The following RYR3 variants were observed in gnomAD, a reference collection of about 807,000 sequenced individuals.
The protein encoded by RYR3 is brain ryanodine receptor-calcium release channel.
In RYR3, 207 loss-of-function variants were observed where a neutral mutation model predicts 584.3. The observed-to-expected ratio is 0.35, with a 90% CI of 0.32 to 0.40. RYR3 has a LOEUF of 0.40. RYR3 is among the 10% of genes least tolerant of loss of function. RYR3 has a pLI of 1.00. For missense variants in RYR3, 5,616 were observed against 6,089.2 expected, an observed-to-expected ratio of 0.92 and a Z score of 2.59; for synonymous variants, 2,416 against 2,248.5, an observed-to-expected ratio of 1.07 and a Z score of -2.11.
chr15:33,859,873 C>G (rs1453407532), intron 100 of RYR3, 142 bp downstream of exon 100: 4 of 925,448 alleles, frequency 4.3e-6, no homozygotes, highest in Non-Finnish European at 6.4e-6. Context: ...TTAGCATCTA[C>G]TATACCTGAG....
intron 2 of RYR3, among the ~76,000 whole-genome samples, chr15:33,497,264 G>A (rs576994730): frequency 7.9e-5 from 12 of 152,206 alleles, no homozygotes; most frequent in Admixed American, 6.5e-4. Flanking sequence ...AGGTCCCAGT[G>A]GGCTATCTGC....
At position 33,758,217 on chromosome 15, in the gene RYR3, G is replaced by A. The variant is rs533914761; in HGVS notation, c.8705+621G>A. Among the ~76,000 whole-genome samples the A allele has an allele frequency of 5.9e-5, 9 of 152,262 alleles. 1 individual carries two copies. Among genetic ancestry groups the A allele is most frequent in the South Asian group, 4.2e-4 (2 of 4,818 alleles). On this transcript the variant is annotated intron_variant, in intron 60 of 103. Coordinates refer to ENST00000634891, the MANE Select transcript of RYR3 (RefSeq NM_001036.6). The stretch of plus-strand genomic sequence containing the variant: ...GTTTCAAGCACAAAACTGGGTGGCC[G>A]TTCGGGCAGACACTGAGCTAGCTGC...
chr15:33,508,513 G>T (rs1344305211), intron 3 of RYR3, among the ~76,000 whole-genome samples: 1 of 152,118 alleles, frequency 6.6e-6, no homozygotes, highest in Non-Finnish European at 1.5e-5. Flanking sequence ...AGCCGGGCAT[G>T]GTGGCGGGCG....
intron 38 of RYR3, among the ~76,000 whole-genome samples, chr15:33,678,124 C>T (rs2064311120): frequency 6.6e-6 from 1 of 152,144 alleles, no homozygotes; most frequent in East Asian, 1.9e-4. Context: ...ATTGAATGAT[C>T]ATTCAGGCAC....
In RYR3 at chr15:33,820,663, C is replaced by T. The variant is rs2077056193; in HGVS notation, c.10759-93C>T. ...GAGGTCCTGAGGTGCCTGTGAATTA[C>T]GTCCTGTCCCCTGCCCTTGTAGAGT... On this transcript the variant is annotated intron_variant, in intron 77 of 103. Transcript: ENST00000634891. 9 of 1,124,908 alleles carry T rather than the reference C, an allele frequency of 8.0e-6. No individual in the cohort carries two copies. In the East Asian group the frequency reaches 1.0e-4, roughly 13 times the overall value. 69.7% of individuals were successfully genotyped at this position (1,124,908 alleles called of 1,614,324 possible).
chr15:33,649,167 G>C lies in RYR3; in HGVS notation c.4074G>C (p.Lys1358Asn), dbSNP rs760566933. ...CAGACTATCACTTGTACAGTGAAAA[G>C]TTTGACCTGAATAAAAACTGCACAG... ...VTPDYHLYSE[K>N]FDLNKNCTVT... Residue 1358 changes from lysine (K) to asparagine (N), a missense_variant, in exon 31 of 104, where the codon AAG becomes AAC. This residue lies in a region of RYR3 where 753 missense variants were observed against 741.0 expected (regional missense o/e 1.02). Transcript: ENST00000634891. 1.4e-5 allele frequency: 22 copies of C among 1,613,722 alleles called. 1 individual carries two copies. The highest frequency in any genetic ancestry group is 3.3e-4 in the Middle Eastern group (2 of 6,010).
At chr15:33,389,728 AG>A (rs2041869183) in intron 1 of RYR3, among the ~76,000 whole-genome samples, 1 of 152,226 alleles carries the variant, frequency 6.6e-6, no homozygotes, top group African/African-American at 2.4e-5. Context: ...AGAGTCTGAA[AG>A]GTAACATGCA....
chr15:33,345,253 C>A (rs1972308759), intron 1 of RYR3, among the ~76,000 whole-genome samples: 1 of 152,226 alleles, frequency 6.6e-6, no homozygotes, highest in Non-Finnish European at 1.5e-5. Context: ...ATTGAGTAGC[C>A]ACTATGTGCC....
chr15:33,686,279 T>A (rs144322605), intron 38 of RYR3, among the ~76,000 whole-genome samples: 25 of 152,130 alleles, frequency 1.6e-4, no homozygotes, highest in African/African-American at 6.0e-4. Flanking sequence ...CAAACTACCA[T>A]CAGAGAATAC....
chr15:33,563,246 G>A (rs1159038397), intron 11 of RYR3, among the ~76,000 whole-genome samples: 1 of 152,312 alleles, frequency 6.6e-6, no homozygotes, highest in South Asian at 2.1e-4. Flanking sequence ...TGAGGAAGAG[G>A]TGATGTATTT....
chr15:33,437,117 A>AGTGTGTGT (rs71415518), intron 1 of RYR3, among the ~76,000 whole-genome samples: 65 of 149,570 alleles, frequency 4.3e-4, no homozygotes, highest in East Asian at 1.6e-3. Context: ...AGAGAGATAG[A>AGTGTGTGT]GTGTGTGTGT....
At chr15:33,614,577 C>G (rs1348266934) in intron 19 of RYR3, among the ~76,000 whole-genome samples, 1 of 151,916 alleles carries the variant, frequency 6.6e-6, no homozygotes, top group Non-Finnish European at 1.5e-5. Context: ...TGTGCTTTTT[C>G]CAACACAGTA....
Position 33,843,579 on chromosome 15 carries a change from T to A in RYR3, c.13296+5T>A, listed in dbSNP as rs757712334. ...TTCATCCTGCTTTTTTATAAGGTGA[T>A]ACTTCATTCAGGGGTTATTTGCTAA... On this transcript the variant is annotated splice_donor_5th_base_variant and intron_variant, in intron 92 of 103. Transcript: ENST00000634891. The A allele has an allele frequency of 1.0e-5, 16 of 1,563,278 alleles. No individual in the cohort carries two copies. The highest frequency in any genetic ancestry group is 1.4e-5 in the Non-Finnish European group (16 of 1,146,714).
chr15:33,523,109 A>G (rs1171113384), intron 3 of RYR3, among the ~76,000 whole-genome samples: 1 of 152,132 alleles, frequency 6.6e-6, no homozygotes, highest in Non-Finnish European at 1.5e-5. Flanking sequence ...AAATGCACCA[A>G]TCAGCACTCT....
chr15:33,857,606 T>A (rs2079828973), intron 98 of RYR3, among the ~76,000 whole-genome samples, 174 bp from the exon 99 acceptor site: 1 of 152,080 alleles, frequency 6.6e-6, no homozygotes, highest in South Asian at 2.1e-4. Context: ...TGTGGTGCCA[T>A]CTTTCCTCCT....
intron 1 of RYR3, among the ~76,000 whole-genome samples, chr15:33,344,605 A>G (rs566016023): frequency 2.0e-5 from 3 of 152,266 alleles, no homozygotes; most frequent in African/African-American, 4.8e-5. Flanking sequence ...TAAGACTACC[A>G]TGTTCAAAAC....
In RYR3 at chr15:33,634,581, C is replaced by T; in HGVS notation, c.3028-5C>T. ...TTGGCACCTTTTTTCTCTGGCGTCA[C>T]ATAGGATTTGAAGAACAAAAGAAAT... On this transcript the variant is annotated splice_region_variant and splice_polypyrimidine_tract_variant and intron_variant, in intron 24 of 103. Coordinates refer to ENST00000634891, the MANE Select transcript of RYR3 (RefSeq NM_001036.6). 1 of 1,613,804 alleles carries T rather than the reference C, an allele frequency of 6.2e-7. No homozygotes were observed. Among genetic ancestry groups the T allele is most frequent in the Non-Finnish European group, 8.5e-7 (1 of 1,179,778 alleles).
chr15:33,634,152 A>G (rs12911507), intron 24 of RYR3, among the ~76,000 whole-genome samples: 45,340 of 151,968 alleles, frequency 0.3, 7,727 homozygotes, highest in Middle Eastern at 0.4. Flanking sequence ...CCCGGGTTCA[A>G]GTGATTCTCC....
At chr15:33,824,590 T>C (rs2077277974) in intron 81 of RYR3, among the ~76,000 whole-genome samples, 1 of 152,174 alleles carries the variant, frequency 6.6e-6, no homozygotes, top group African/African-American at 2.4e-5. Context: ...AACAAACAAA[T>C]GGCAATAGAG....
Sources: gnomAD v4.1 joint callset for allele counts (sites outside exome capture counted in the v4.1 genomes callset) on GRCh38, gnomAD v4.1.1 for gene constraint, gnomAD v4.1.1 regional missense constraint, MANE v1.5 for transcripts, NCBI Gene and HGNC (gene_info 2026-07-23, HGNC 2026-07-21) for gene names.